Variants in TMEM108 observed in about 807,000 individuals in gnomAD.
TMEM108 encodes the protein cancer/testis antigen 124.
A neutral mutation model predicts 35.1 loss-of-function variants in TMEM108; 12 were observed. The observed-to-expected ratio is 0.34, with a 90% confidence interval of 0.22 to 0.55. TMEM108 has a LOEUF of 0.55. Ranked by LOEUF, TMEM108 falls within the 20% of genes least tolerant of loss-of-function variation. TMEM108 has a pLI of 0.89. For synonymous variants in TMEM108, 287 were observed against 308.6 expected (o/e 0.93, Z 0.73); for missense variants, 680 against 753.3 (o/e 0.90, Z 1.14).
intron 2 of TMEM108, among the ~76,000 whole-genome samples, chr3:133,166,758 G>A (rs968333269): frequency 6.6e-6 from 1 of 152,212 alleles, no homozygotes; most frequent in Non-Finnish European, 1.5e-5. Flanking sequence ...CAAAGAGTGA[G>A]CAGCAGAAAG....
At chr3:133,351,410 G>C (rs2071993400) in intron 3 of TMEM108, among the ~76,000 whole-genome samples, 1 of 152,032 alleles carries the variant, frequency 6.6e-6, no homozygotes, top group Admixed American at 6.6e-5. Context: ...GCACATCCTG[G>C]GTGGCCTCTC....
chr3:133,262,016 T>C (rs746709584), intron 3 of TMEM108, among the ~76,000 whole-genome samples: 5 of 152,224 alleles, frequency 3.3e-5, no homozygotes, highest in African/African-American at 9.7e-5. Context: ...CATTAACATA[T>C]GTATTTGTTT....
chr3:133,379,695 C>T (rs944927019), intron 3 of TMEM108, 57 bp from the exon 4 acceptor site: 15 of 1,552,948 alleles, frequency 9.7e-6, no homozygotes, highest in African/African-American at 8.1e-5. Context: ...TAAGAAAGGC[C>T]CAGGCTGTAT....
chr3:133,071,438 A>T (rs372559185), intron 2 of TMEM108, among the ~76,000 whole-genome samples: 1 of 152,306 alleles, frequency 6.6e-6, no homozygotes, highest in South Asian at 2.1e-4. Flanking sequence ...TAATGAAATC[A>T]TTTTAACTTA....
At chr3:133,344,762 T>C (rs955069419) in intron 3 of TMEM108, among the ~76,000 whole-genome samples, 4 of 151,778 alleles carry the variant, frequency 2.6e-5, no homozygotes, top group Non-Finnish European at 5.9e-5. Context: ...GAAAAGTATA[T>C]TACAGATGAG....
intron 2 of TMEM108, among the ~76,000 whole-genome samples, chr3:133,169,015 G>A (rs1257947311): frequency 2.6e-5 from 4 of 152,158 alleles, no homozygotes; most frequent in Non-Finnish European, 4.4e-5. Context: ...AACATCAGAA[G>A]GAGCAAACTC....
At chr3:133,114,456 C>G (rs892228566) in intron 2 of TMEM108, among the ~76,000 whole-genome samples, 1 of 152,080 alleles carries the variant, frequency 6.6e-6, no homozygotes, top group Non-Finnish European at 1.5e-5. Flanking sequence ...AACATAAACG[C>G]TAGAATTCCC....
At chr3:133,308,415 G>C (rs1220957201) in intron 3 of TMEM108, among the ~76,000 whole-genome samples, 1 of 152,136 alleles carries the variant, frequency 6.6e-6, no homozygotes, top group East Asian at 1.9e-4. Flanking sequence ...GGAGTGGTGA[G>C]AGAGGGCATC....
chr3:133,057,421 TTGTGTGTGTG>T (rs139260604), intron 2 of TMEM108, among the ~76,000 whole-genome samples: 5 of 105,476 alleles, frequency 4.7e-5, no homozygotes, highest in African/African-American at 8.1e-5. Flanking sequence ...GGGCTATTAG[TTGTGTGTGTG>T]TGTGTATATA....
At chr3:133,360,571 G>A (rs1357591725) in intron 3 of TMEM108, among the ~76,000 whole-genome samples, 1 of 152,126 alleles carries the variant, frequency 6.6e-6, no homozygotes, top group East Asian at 1.9e-4. Flanking sequence ...CCAGCTGAGG[G>A]ATCTGGTCTG....
chr3:133,059,649 C>G (rs1052593718), intron 2 of TMEM108, among the ~76,000 whole-genome samples: 3 of 152,156 alleles, frequency 2.0e-5, no homozygotes, highest in Non-Finnish European at 4.4e-5. Context: ...ATAGTGTATT[C>G]TCAGATAATG....
chr3:133,306,418 C>G (rs202054549), intron 3 of TMEM108, among the ~76,000 whole-genome samples: 1 of 152,130 alleles, frequency 6.6e-6, no homozygotes, highest in Non-Finnish European at 1.5e-5. Context: ...GCACAACGTG[C>G]AGGTATGTTC....
chr3:133,293,586 G>A (rs1036643075), intron 3 of TMEM108, among the ~76,000 whole-genome samples: 2 of 151,874 alleles, frequency 1.3e-5, no homozygotes, highest in African/African-American at 4.8e-5. Flanking sequence ...CCTTATGCCA[G>A]TGCCAACTTT....
rs1391024520 is a variant in TMEM108 at position 133,102,371 on chromosome 3, T to C, written c.-47+56351T>C. On this transcript the variant is annotated intron_variant, in intron 2 of 5. Coordinates refer to ENST00000321871, the MANE Select transcript of TMEM108 (RefSeq NM_023943.4). ...GTCTCTCCCTTCTTTATCTTCAGCC[T>C]GCTGCTTACTCTGAGATCCTTGCAA... Among the ~76,000 whole-genome samples, 3 of 152,236 alleles carry C rather than the reference T, an allele frequency of 2.0e-5. No individual in the cohort carries two copies. The East Asian group carries it at 5.8e-4, about 29-fold the overall frequency.
intron 2 of TMEM108, among the ~76,000 whole-genome samples, chr3:133,197,842 C>T (rs1005447734): frequency 9.9e-5 from 15 of 152,140 alleles, no homozygotes; most frequent in Admixed American, 7.9e-4. Context: ...AAGTGACCAC[C>T]AAAAGTCTTA....
chr3:133,391,946 C>T (rs1216240649), intron 5 of TMEM108, among the ~76,000 whole-genome samples: 1 of 152,160 alleles, frequency 6.6e-6, no homozygotes, highest in African/African-American at 2.4e-5. Context: ...TAACCAGTTG[C>T]TTCCACATCG....
chr3:133,107,098 G>A (rs1314007135), intron 2 of TMEM108, among the ~76,000 whole-genome samples: 1 of 152,138 alleles, frequency 6.6e-6, no homozygotes, highest in Non-Finnish European at 1.5e-5. Flanking sequence ...AGCCACTGAA[G>A]GGTTTTGAAC....
At chr3:133,066,522 TG>T (rs1943609892) in intron 2 of TMEM108, among the ~76,000 whole-genome samples, 1 of 152,182 alleles carries the variant, frequency 6.6e-6, no homozygotes, top group Non-Finnish European at 1.5e-5. Flanking sequence ...TGCTTTTGCA[TG>T]GACACATATA....
At chr3:133,101,838 A>G (rs1036229518) in intron 2 of TMEM108, among the ~76,000 whole-genome samples, 5 of 152,250 alleles carry the variant, frequency 3.3e-5, no homozygotes, top group Admixed American at 1.3e-4. Flanking sequence ...AACCACACCC[A>G]TAATATGTCA....
Sources: gnomAD v4.1 joint callset for allele counts (sites outside exome capture counted in the v4.1 genomes callset) on GRCh38, gnomAD v4.1.1 for gene constraint, MANE v1.5 for transcripts, NCBI Gene and HGNC (gene_info 2026-07-23, HGNC 2026-07-21) for gene names.